The following SLFNL1 variants were observed in gnomAD, a reference collection of about 807,000 sequenced individuals.
The protein encoded by SLFNL1 is schlafen like 1.
A neutral mutation model predicts 32.5 loss-of-function variants in SLFNL1; 26 were observed. That is an observed-to-expected ratio of 0.80 (90% CI 0.59 to 1.11). SLFNL1 has a LOEUF of 1.11. Among genes scored for constraint, SLFNL1 ranks in the 50% least tolerant of loss-of-function variants. The pLI is 0.00. For missense variants in SLFNL1, 553 were observed against 546.5 expected (o/e 1.01, Z -0.12); for synonymous variants, 255 against 242.2 (o/e 1.05, Z -0.49).
chr1:41,021,339 A>G (rs1319909012), intron 1 of SLFNL1: 1 of 152,582 alleles, frequency 6.6e-6, no homozygotes, highest in Non-Finnish European at 1.5e-5. Flanking sequence ...AACATAACTT[A>G]AGGTGGCTCC....
In SLFNL1 at chr1:41,017,800, G is replaced by A. The variant is rs540394421; in HGVS notation, c.792C>T (p.Asp264=). The change falls in exon 4 of 6, where the codon GAC becomes GAT. Residue 264 remains aspartate (D), a synonymous_variant. Transcript: ENST00000302946. The surrounding 1 kb of genome is among the most constrained non-coding windows in gnomAD (Gnocchi z 4.9). ...EGGSLLVGVE[D]SGLVQGIRCS... ...AGCGGATGCCCTGCACCAGGCCGCT[G>A]TCCTCTACTCCCACGAGCAGGCTGC... 1 of 1,603,338 alleles carries A rather than the reference G, an allele frequency of 6.2e-7. No homozygotes were observed. Among genetic ancestry groups the A allele is most frequent in the African/African-American group, 1.3e-5 (1 of 74,914 alleles).
At position 41,020,561 on chromosome 1, in the gene SLFNL1, G is replaced by C. The variant is rs781253946; in HGVS notation, c.100C>G (p.Leu34Val). The stretch of plus-strand genomic sequence containing the variant: ...TCCTCGAGGTCAGAGTACTCCGTCA[G>C]GGACTGCTCTGCGGGTAGCTCCGGC... ...SLPELPAEQS[L>V]TEYSDLEEAP... Residue 34 changes from leucine to valine, a missense_variant, in exon 3 of 6, where the codon CTG (leucine) becomes GTG (valine). Transcript: ENST00000302946. 6.2e-7 allele frequency: 1 copy of C among 1,613,544 alleles called. No homozygotes were observed. The highest frequency in any genetic ancestry group is 1.7e-5 in the Admixed American group (1 of 60,026).
Position 41,020,655 on chromosome 1 carries a change from G to A in SLFNL1, c.6C>T (p.Thr2=), listed in dbSNP as rs745746462. Residue 2 remains threonine (T), a synonymous_variant, in exon 3 of 6, where the codon ACC becomes ACT. Coordinates refer to ENST00000302946, the MANE Select transcript of SLFNL1 (RefSeq NM_144990.4). M[T]PMKRSVQTQV... is the part of the protein sequence containing the mutation. ...GTGTTTGCACTGATCTCTTCATGGGGGTCATGGGAAGGCTCTCCCTGGGAA... is the reference window on the plus strand; with the variant it reads ...GTGTTTGCACTGATCTCTTCATGGGAGTCATGGGAAGGCTCTCCCTGGGAA... The A allele has an allele frequency of 4.4e-6, 7 of 1,603,906 alleles. No homozygotes were observed. The South Asian group carries it at 6.6e-5, about 15-fold the overall frequency.
At position 41,020,413 on chromosome 1, in the gene SLFNL1, A is replaced by G. The variant is rs372789008; in HGVS notation, c.248T>C (p.Ile83Thr). Residue 83 changes from isoleucine (I) to threonine (T), a missense_variant, in exon 3 of 6, where the codon ATT (isoleucine) becomes ACT (threonine). By Grantham distance (89) the Ile-to-Thr change is moderately conservative. Transcript: ENST00000302946. ...CTTCCGCGGCCGCCTCACCACTTCA[A>G]TGTGCTCCCGCGCCACCGGCATCTC... ...RLEMPVAREHIEVVRRPRKAY... is the reference protein window; with the variant it reads ...RLEMPVAREHTEVVRRPRKAY... The G allele has an allele frequency of 7.4e-6, 12 of 1,612,930 alleles. No homozygotes were observed. The highest frequency in any genetic ancestry group is 6.7e-5 in the East Asian group (3 of 44,860).
chr1:41,020,374 A>G lies in SLFNL1; in HGVS notation c.287T>C (p.Val96Ala). 11 of 1,613,334 alleles carry G rather than the reference A, an allele frequency of 6.8e-6. No individual in the cohort carries two copies. Among genetic ancestry groups the G allele is most frequent in the Non-Finnish European group, 9.3e-6 (11 of 1,180,026 alleles). The stretch of plus-strand genomic sequence containing the variant: ...GGTGTCCCTGTGGACAGTCACCTGC[A>G]CCAGTGCATAGGCCTTCCGCGGCCG... The part of the protein sequence containing the change: ...VRRPRKAYAL[V>A]QVTVHRDTLA... The change falls in exon 3 of 6, where the codon GTG (valine) becomes GCG (alanine). Residue 96 changes from valine (V) to alanine (A), a missense_variant. Physicochemically the swap from Val to Ala is moderately conservative, Grantham distance 64. Transcript: ENST00000302946.
Position 41,016,205 on chromosome 1 carries a change from C to G in SLFNL1, c.1125G>C (p.Lys375Asn). ...CRQRWLVELG[K>N]LEEKMKALMM... ...TCAGCGCCTTCATCTTCTCTTCCAG[C>G]TTGCCCAGCTCCACCAGCCACCTCT... The change falls in exon 6 of 6, where the codon AAG (lysine) becomes AAC (asparagine). Residue 375 changes from lysine to asparagine, a missense_variant. By Grantham distance (94) the Lys-to-Asn change is moderately conservative (BLOSUM62 0). Coordinates refer to ENST00000302946, the MANE Select transcript of SLFNL1 (RefSeq NM_144990.4). The G allele has an allele frequency of 6.2e-7, 1 of 1,614,150 alleles. No individual in the cohort carries two copies.
Position 41,017,288 on chromosome 1 carries a change from G to A in SLFNL1, c.1047C>T (p.Asp349=), listed in dbSNP as rs146700133. 1.2e-4 allele frequency: 186 copies of A among 1,610,834 alleles called. No individual in the cohort carries two copies. In the African/African-American group the frequency reaches 1.5e-3, roughly 13 times the overall value. ...TDQGEVFLRR[D]GSIQGPLSAS... ...CAGACAGCGGGCCCTGGATGCTCCC[G>A]TCGCGCCGCAGAAACACCTCCCCCT... Residue 349 remains aspartate (D), a synonymous_variant, in exon 5 of 6, where the codon GAC becomes GAT. Coordinates refer to ENST00000302946, the MANE Select transcript of SLFNL1 (RefSeq NM_144990.4). This position sits in a 1 kb window ranked among gnomAD's most constrained non-coding sequence, Gnocchi z 4.9.
rs767832972 is a variant in SLFNL1 at position 41,017,356 on chromosome 1, T to C, written c.979A>G (p.Thr327Ala). The C allele has an allele frequency of 3.7e-6, 6 of 1,613,150 alleles. No individual in the cohort carries two copies. The highest frequency in any genetic ancestry group is 4.5e-5 in the East Asian group (2 of 44,854). The part of the protein sequence containing the change: ...PLKVIRLTVH[T>A]PKAQSQPQLY... ...TGCGGCTGGCTCTGGGCCTTGGGGG[T>C]GTGCACGGTCAGGCGGATCACCTTG... is the stretch of plus-strand genomic sequence containing the variant. The change falls in exon 5 of 6, where the codon ACC (threonine) becomes GCC (alanine). Residue 327 changes from threonine to alanine, a missense_variant. Thr to Ala is a moderately conservative substitution (Grantham distance 58). Coordinates refer to ENST00000302946, the MANE Select transcript of SLFNL1 (RefSeq NM_144990.4). This position sits in a 1 kb window ranked among gnomAD's most constrained non-coding sequence, Gnocchi z 4.9.
chr1:41,017,396 AGCTCTGGAGGCGCC>A lies in SLFNL1; in HGVS notation c.958-33_958-20del, dbSNP rs771557610. ...GGATCACCTTGGTAGGGGCAACAGCAGCTCTGGAGGCGCCGCCCCTCACGGTCGGCAGCCCCCAT... is the reference window on the plus strand; with the variant it reads ...GGATCACCTTGGTAGGGGCAACAGCAGCCCCTCACGGTCGGCAGCCCCCAT... On this transcript the variant is annotated intron_variant, in intron 4 of 5. Transcript: ENST00000302946. The surrounding 1 kb of genome is among the most constrained non-coding windows in gnomAD (Gnocchi z 4.9). 6.2e-7 allele frequency: 1 copy of A among 1,607,602 alleles called. No individual in the cohort carries two copies. Among genetic ancestry groups the A allele is most frequent in the Non-Finnish European group, 8.5e-7 (1 of 1,176,536 alleles).
At chr1:41,020,914 G>A in intron 1 of SLFNL1, 44 bp from the exon 2 acceptor site, 1 of 490,280 alleles carries the variant, frequency 2.0e-6, no homozygotes, top group Admixed American at 3.5e-5. Flanking sequence ...CAAGACACAG[G>A]GCCTGTGGGA....
At chr1:41,018,828 G>GTTTTTTTTTT (rs34061852) in intron 3 of SLFNL1, among the ~76,000 whole-genome samples, 3 of 60,646 alleles carry the variant, frequency 4.9e-5, no homozygotes, top group Admixed American at 2.8e-4. Flanking sequence ...CAACCCTCCT[G>GTTTTTTTTTT]TTTTTTTTTT....
In SLFNL1 at chr1:41,017,428, G is replaced by A; in HGVS notation, c.958-51C>T. The A allele has an allele frequency of 6.3e-7, 1 of 1,586,408 alleles. No individual in the cohort carries two copies. On this transcript the variant is annotated intron_variant, in intron 4 of 5. Coordinates refer to ENST00000302946, the MANE Select transcript of SLFNL1 (RefSeq NM_144990.4). This position sits in a 1 kb window ranked among gnomAD's most constrained non-coding sequence, Gnocchi z 4.9. The stretch of plus-strand genomic sequence containing the variant: ...GAGGCGCCGCCCCTCACGGTCGGCA[G>A]CCCCCATCCTGCCAGGCTGCTCAGC...
chr1:41,018,213 C>T, intron 3 of SLFNL1, 57 bp from the exon 4 acceptor site: 1 of 1,424,566 alleles, frequency 7.0e-7, no homozygotes, highest in Non-Finnish European at 9.2e-7. Context: ...GGAGCCCTGA[C>T]CCTGAGAAGG....
In SLFNL1 at chr1:41,020,265, C is replaced by T. The variant is rs1279562865; in HGVS notation, c.396G>A (p.Leu132=). ...LKELAARGKD[L]LLSEAQGPFS... ...AGGGCCCTTGGGCCTCACTCAATAG[C>T]AGGTCCTTCCCACGGGCTGCCAGCT... Residue 132 remains leucine (L), a synonymous_variant, in exon 3 of 6, where the codon CTG becomes CTA. Transcript: ENST00000302946. 6.2e-7 allele frequency: 1 copy of T among 1,610,492 alleles called. No homozygotes were observed. The highest frequency in any genetic ancestry group is 1.1e-5 in the South Asian group (1 of 90,510).
At chr1:41,016,387 C>A in intron 5 of SLFNL1, 159 bp from the exon 6 acceptor site, 1 of 1,133,606 alleles carries the variant, frequency 8.8e-7, no homozygotes, top group South Asian at 1.6e-5. Flanking sequence ...CTGCCACCTT[C>A]AACCGTGTCA....
rs1643839737 is a variant in SLFNL1 at position 41,021,621 on chromosome 1, A to AC, written c.-126+1dup. The AC allele has an allele frequency of 6.6e-6, 1 of 152,218 alleles. No individual in the cohort carries two copies. The highest frequency in any genetic ancestry group is 2.4e-5 in the African/African-American group (1 of 41,418). The allele number at this position is 152,218 out of a possible 1,614,324, so 9.4% of individuals were successfully genotyped here. ...AAGAGGAGGAGAGGAGAGGCCTATGACCTTCATGTCCTGGTGGCTCCCGCG... is the reference window on the plus strand; with the variant it reads ...AAGAGGAGGAGAGGAGAGGCCTATGACCCTTCATGTCCTGGTGGCTCCCGCG... On this transcript the variant is annotated splice_donor_variant, in intron 1 of 5. Coordinates refer to ENST00000302946, the MANE Select transcript of SLFNL1 (RefSeq NM_144990.4). LOFTEE classifies it low-confidence loss of function (5UTR_SPLICE).
In SLFNL1 at chr1:41,016,284, G is replaced by A. The variant is rs544426399; in HGVS notation, c.1102-56C>T. 1.9e-4 allele frequency: 296 copies of A among 1,579,900 alleles called. 1 individual carries two copies. Among genetic ancestry groups the A allele is most frequent in the Non-Finnish European group, 2.0e-4 (238 of 1,162,004 alleles). ...AGCCCGCCTGGTCTCGGGCCTGTCC[G>A]TCCTCCACCTGGGGCCAAACTGAGG... On this transcript the variant is annotated intron_variant, in intron 5 of 5. Coordinates refer to ENST00000302946, the MANE Select transcript of SLFNL1 (RefSeq NM_144990.4).
chr1:41,021,498 A>T (rs1643830731), intron 1 of SLFNL1, 125 bp downstream of exon 1: 1 of 152,408 alleles, frequency 6.6e-6, no homozygotes, highest in African/African-American at 2.4e-5. Flanking sequence ...ACATATGTGC[A>T]CACACCAGCC....
At chr1:41,016,567 T>G in intron 5 of SLFNL1, 1 of 280,410 alleles carries the variant, frequency 3.6e-6, no homozygotes, top group Non-Finnish European at 6.8e-6. Context: ...GGGCCTCCCC[T>G]AAAATGCAGT....
Sources: allele counts gnomAD v4.1 joint callset (sites outside exome capture counted in the v4.1 genomes callset), GRCh38; gene constraint gnomAD v4.1.1; non-coding constraint Gnocchi (gnomAD v3.1); transcripts MANE v1.5; gene names NCBI Gene and HGNC (gene_info 2026-07-23, HGNC 2026-07-21).